Variants in CAST observed in about 807,000 individuals in gnomAD.
CAST encodes calpastatin.
CAST carries 76 observed loss-of-function variants against 119.6 expected under a neutral mutation model. That is an observed-to-expected ratio of 0.64 (90% confidence interval 0.53 to 0.77). CAST has a LOEUF of 0.77. CAST is among the 30% of genes least tolerant of loss of function. The pLI is 0.00. For synonymous variants in CAST, 319 were observed against 331.6 expected, an observed-to-expected ratio of 0.96 and a Z score of 0.41; for missense variants, 953 against 946.5, an observed-to-expected ratio of 1.01 and a Z score of -0.09.
chr5:96,620,482 T>C (rs965321057), intron 1 of CAST, among the ~76,000 whole-genome samples: 3 of 152,190 alleles, frequency 2.0e-5, no homozygotes, highest in Non-Finnish European at 2.9e-5. Context: ...TCAGCCATGA[T>C]ATCATGAGGG....
the CAST span, among the ~76,000 whole-genome samples, chr5:96,090,025 C>G: frequency 1.3e-3 from 192 of 152,210 alleles, no homozygotes; most frequent in Non-Finnish European, 2.1e-3. Flanking sequence ...GTGTGCTAAT[C>G]TTATTTTTTT....
chr5:96,497,883 A>G, the CAST span, among the ~76,000 whole-genome samples: 1 of 152,100 alleles, frequency 6.6e-6, no homozygotes, highest in African/African-American at 2.4e-5. Context: ...CCATTTGTCA[A>G]TTTTGGCTTT....
chr5:96,439,509 T>TA, the CAST span, among the ~76,000 whole-genome samples: 5 of 151,998 alleles, frequency 3.3e-5, no homozygotes, highest in African/African-American at 7.2e-5. Flanking sequence ...GGTTGGAAAA[T>TA]AAAAAAAGAT....
the CAST span, among the ~76,000 whole-genome samples, chr5:96,232,426 C>T: frequency 2.0e-5 from 3 of 152,158 alleles, no homozygotes; most frequent in Non-Finnish European, 4.4e-5. Context: ...TAACATTGTC[C>T]TTACCCACAA....
At chr5:96,619,494 C>T (rs181169140) in intron 1 of CAST, among the ~76,000 whole-genome samples, 1 of 152,312 alleles carries the variant, frequency 6.6e-6, no homozygotes, top group Admixed American at 6.5e-5. Flanking sequence ...GCAGGCTGCC[C>T]GAACTAGCAG....
At chr5:96,390,004 C>T in the CAST span, among the ~76,000 whole-genome samples, 1 of 152,138 alleles carries the variant, frequency 6.6e-6, no homozygotes, top group Non-Finnish European at 1.5e-5. Context: ...TCACACTTAG[C>T]TGCTTTACTC....
At chr5:96,084,941 T>C in the CAST span, among the ~76,000 whole-genome samples, 1 of 152,222 alleles carries the variant, frequency 6.6e-6, no homozygotes. Flanking sequence ...CTACTGTATA[T>C]GGCTTCAAGC....
the CAST span, among the ~76,000 whole-genome samples, chr5:96,490,225 T>G: frequency 6.6e-6 from 1 of 152,128 alleles, no homozygotes; most frequent in Non-Finnish European, 1.5e-5. Context: ...CTTTCCAGCC[T>G]CCTCTGCCTG....
chr5:96,453,699 T>C, the CAST span, among the ~76,000 whole-genome samples: 1 of 152,246 alleles, frequency 6.6e-6, no homozygotes, highest in African/African-American at 2.4e-5. Flanking sequence ...GCATGGAATA[T>C]GATTCGTTGA....
At chr5:96,571,366 C>T (rs1160273489) in intron 1 of CAST, among the ~76,000 whole-genome samples, 2 of 152,180 alleles carry the variant, frequency 1.3e-5, no homozygotes, top group African/African-American at 4.8e-5. Flanking sequence ...AACTGCTCCA[C>T]CCTTCCTCAC....
intron 1 of CAST, among the ~76,000 whole-genome samples, chr5:96,665,786 ACAATC>A (rs1749259247): frequency 6.6e-6 from 1 of 152,000 alleles, no homozygotes; most frequent in African/African-American, 2.4e-5. Context: ...ACAAACATAT[ACAATC>A]CAATATACAT....
chr5:96,291,843 C>CATGTGT, the CAST span, among the ~76,000 whole-genome samples: 8 of 133,060 alleles, frequency 6.0e-5, no homozygotes, highest in South Asian at 1.9e-3. Flanking sequence ...TCCCAGTCTG[C>CATGTGT]GTGTGTGTGT....
chr5:96,017,668 G>C, the CAST span, among the ~76,000 whole-genome samples: 2 of 152,082 alleles, frequency 1.3e-5, no homozygotes, highest in African/African-American at 2.4e-5. Context: ...CACAAAAAAT[G>C]TTGCTATTGT....
intron 31 of CAST, 83 bp downstream of exon 31, chr5:96,771,785 C>T: frequency 2.5e-6 from 2 of 785,234 alleles, no homozygotes. Context: ...GTGAAGTCCA[C>T]CTCTTGAGTA....
chr5:96,198,510 G>A, the CAST span, among the ~76,000 whole-genome samples: 3 of 152,144 alleles, frequency 2.0e-5, no homozygotes, highest in South Asian at 6.2e-4. Flanking sequence ...CCTCCACATG[G>A]CTCTCCTCCT....
the CAST span, among the ~76,000 whole-genome samples, chr5:96,246,756 C>A: frequency 6.6e-6 from 1 of 152,210 alleles, no homozygotes; most frequent in African/African-American, 2.4e-5. Flanking sequence ...CACCCACTTT[C>A]ACATTTCCTG....
intron 2 of CAST, among the ~76,000 whole-genome samples, chr5:96,677,410 C>T (rs940957144): frequency 4.6e-5 from 7 of 152,122 alleles, no homozygotes; most frequent in African/African-American, 9.7e-5. Flanking sequence ...TAACAACTGA[C>T]GGTAGATAGT....
At chr5:96,599,599 T>C (rs573261655) in intron 1 of CAST, among the ~76,000 whole-genome samples, 90 of 152,198 alleles carry the variant, frequency 5.9e-4, no homozygotes, top group African/African-American at 2.1e-3. Context: ...TACATCTACA[T>C]TGCCTAAGTG....
chr5:96,141,316 A>G, the CAST span, among the ~76,000 whole-genome samples: 1 of 152,216 alleles, frequency 6.6e-6, no homozygotes, highest in African/African-American at 2.4e-5. Flanking sequence ...TGAGAAGGTT[A>G]GCGAGCTGGC....
Sources: allele counts gnomAD v4.1 joint callset (sites outside exome capture counted in the v4.1 genomes callset), GRCh38; gene constraint gnomAD v4.1.1; transcripts MANE v1.5; gene names NCBI Gene and HGNC (gene_info 2026-07-23, HGNC 2026-07-21).